QSER1: variants seen among roughly 807,000 people sequenced by gnomAD.
QSER1 encodes the protein glutamine and serine rich 1.
Under a neutral mutation model 158.5 loss-of-function variants are expected in QSER1, and 49 were observed. The ratio of observed to expected loss-of-function variants is 0.31; its 90% confidence interval spans 0.25 to 0.39. QSER1 has a LOEUF of 0.39. Among genes scored for constraint, QSER1 ranks in the 10% least tolerant of loss-of-function variants. The pLI, the probability that QSER1 is intolerant of heterozygous loss-of-function variation, is 1.00. For missense variants in QSER1, 1,754 were observed against 2,010.3 expected, an observed-to-expected ratio of 0.87 and a Z score of 2.44; for synonymous variants, 650 against 715.5, an observed-to-expected ratio of 0.91 and a Z score of 1.46.
At chr11:32,906,544 A>T (rs180698799) in intron 1 of QSER1, among the ~76,000 whole-genome samples, 130 of 152,132 alleles carry the variant, frequency 8.5e-4, no homozygotes, top group African/African-American at 3.1e-3. Flanking sequence ...GACTACAGGT[A>T]TGTGCCACCA....
Position 32,934,940 on chromosome 11 carries a change from G to A in QSER1, c.3682G>A (p.Gly1228Ser), listed in dbSNP as rs1380446909. The stretch of plus-strand genomic sequence containing the variant: ...GAAACAGCTGAAAAGACCTGCCCAA[G>A]GCAAACGCCAGAATCCAAGGGGAAC... ...NQKQLKRPAQGKRQNPRGTDI... is the reference protein window; with the variant it reads ...NQKQLKRPAQSKRQNPRGTDI... The change falls in exon 4 of 13, where the codon GGC becomes AGC. Residue 1228 changes from glycine to serine, a missense_variant. By Grantham distance (56) the Gly-to-Ser change is moderately conservative. This residue lies in a region of QSER1 where 1,707 missense variants were observed against 1,919.6 expected (regional missense o/e 0.89). Transcript: ENST00000650167. 6.2e-7 allele frequency: 1 copy of A among 1,614,004 alleles called. No homozygotes were observed. Among genetic ancestry groups the A allele is most frequent in the Non-Finnish European group, 8.5e-7 (1 of 1,179,984 alleles).
At chr11:32,948,067 C>T (rs1852364712) in intron 4 of QSER1, among the ~76,000 whole-genome samples, 1 of 152,090 alleles carries the variant, frequency 6.6e-6, no homozygotes, top group African/African-American at 2.4e-5. Context: ...AGCAGTATTC[C>T]CTGGGTACAG....
In QSER1 at chr11:32,893,060, G is replaced by GC. The variant is rs980176483; in HGVS notation, c.-61dup. Reference sequence around the variant, plus strand: ...CCTCCCCCGCCCCCTCTCCCTGCCCGCCCCCGTCACACGGAGCCCTGGAGG... The same window carrying GC: ...CCTCCCCCGCCCCCTCTCCCTGCCCGCCCCCCGTCACACGGAGCCCTGGAGG... On this transcript the variant is annotated 5_prime_UTR_variant, in exon 1 of 13. Coordinates refer to ENST00000650167, the MANE Select transcript of QSER1 (RefSeq NM_001076786.3). The surrounding 1 kb of genome is among the most constrained non-coding windows in gnomAD (Gnocchi z 4.7). 23 of 15,908 alleles carry GC rather than the reference G, an allele frequency of 1.4e-3. 1 individual carries two copies. Among genetic ancestry groups the GC allele is most frequent in the Admixed American group, 0.014 (21 of 1,494 alleles). 1.0% of individuals were successfully genotyped at this position (15,908 alleles called of 1,614,324 possible).
At chr11:32,973,583 T>G (rs1311851164) in intron 11 of QSER1, 34 bp downstream of exon 11, 4 of 1,539,338 alleles carry the variant, frequency 2.6e-6, no homozygotes, top group Non-Finnish European at 3.5e-6. Flanking sequence ...TAACTATACC[T>G]TTTCCAATTG....
chr11:32,950,190 G>A (rs1440244690), intron 4 of QSER1, among the ~76,000 whole-genome samples: 1 of 151,994 alleles, frequency 6.6e-6, no homozygotes, highest in East Asian at 1.9e-4. Context: ...CGCCTCCCAG[G>A]TTCAAGCGAT....
chr11:32,948,543 C>T (rs988685974), intron 4 of QSER1, among the ~76,000 whole-genome samples: 10 of 152,114 alleles, frequency 6.6e-5, no homozygotes, highest in Non-Finnish European at 4.4e-5. Context: ...GCAGGAGTAT[C>T]GGGTGAGCCC....
intron 4 of QSER1, among the ~76,000 whole-genome samples, chr11:32,949,315 A>C (rs1226775794): frequency 1.3e-5 from 2 of 152,194 alleles, no homozygotes; most frequent in Non-Finnish European, 2.9e-5. Flanking sequence ...AAGTATTTGT[A>C]GAAGTCAGTG....
rs752806410 is a variant in QSER1 at position 32,932,958 on chromosome 11, G to C, written c.1700G>C (p.Ser567Thr). Reference sequence around the variant, plus strand: ...CACTCTCAGGGTTTATCACCAGTTAGCCAGACACAGGTTAGCTATTCATCT... The same window carrying C: ...CACTCTCAGGGTTTATCACCAGTTACCCAGACACAGGTTAGCTATTCATCT... Reference protein sequence around the residue: ...SGHSQGLSPVSQTQVSYSSQS... With the variant: ...SGHSQGLSPVTQTQVSYSSQS... Residue 567 changes from serine to threonine, a missense_variant, in exon 4 of 13, where the codon AGC becomes ACC. Ser to Thr is a moderately conservative substitution (Grantham distance 58). Transcript: ENST00000650167. 1 of 1,613,164 alleles carries C rather than the reference G, an allele frequency of 6.2e-7. No homozygotes were observed. Among genetic ancestry groups the C allele is most frequent in the South Asian group, 1.1e-5 (1 of 91,032 alleles).
At position 32,932,278 on chromosome 11, in the gene QSER1, C is replaced by T; in HGVS notation, c.1020C>T (p.Ser340=). The change falls in exon 4 of 13, where the codon TCC becomes TCT. Residue 340 remains serine, a synonymous_variant. Coordinates refer to ENST00000650167, the MANE Select transcript of QSER1 (RefSeq NM_001076786.3). ...CACAACTGACTGGTTCACAGCACTC[C>T]TTACATAGTTATCTATCAAATTCAA... is the stretch of plus-strand genomic sequence containing the variant. ...IQAQLTGSQH[S]LHSYLSNSSV... The T allele has an allele frequency of 6.2e-7, 1 of 1,613,988 alleles. No homozygotes were observed. The highest frequency in any genetic ancestry group is 8.5e-7 in the Non-Finnish European group (1 of 1,180,030).
Position 32,892,978 on chromosome 11 carries a change from C to T in QSER1, c.-148C>T, listed in dbSNP as rs538645689. 4.3e-4 allele frequency among the ~76,000 whole-genome samples: 63 copies of T among 147,880 alleles called. 1 individual carries two copies. The East Asian group carries it at 0.012, about 28-fold the overall frequency. ...GACTCGCCAGCGCGCCCTTCTCCCG[C>T]CTGCTCGCCGGGGCCATGTGAGGGG... On this transcript the variant is annotated 5_prime_UTR_variant, in exon 1 of 13. Coordinates refer to ENST00000650167, the MANE Select transcript of QSER1 (RefSeq NM_001076786.3).
At chr11:32,910,401 T>G (rs540971985) in intron 1 of QSER1, among the ~76,000 whole-genome samples, 1 of 152,362 alleles carries the variant, frequency 6.6e-6, no homozygotes, top group East Asian at 1.9e-4. Flanking sequence ...CCCCAGTGCC[T>G]TGCTCATTGC....
In QSER1 at chr11:32,975,554, T is replaced by C. The variant is rs577945547; in HGVS notation, c.5454+211T>C. On this transcript the variant is annotated intron_variant, in intron 12 of 12. Transcript: ENST00000650167. ...TTTACCCGAGCCTCACCACCTCTTG[T>C]AGGAGCTATAATTGGTAATGTTTTG... The C allele has an allele frequency of 5.5e-4, 768 of 1,400,466 alleles. 18 individuals carry two copies. In the South Asian group the frequency reaches 9.3e-3, roughly 17 times the overall value. 86.8% of individuals were successfully genotyped at this position (1,400,466 alleles called of 1,614,324 possible).
intron 8 of QSER1, among the ~76,000 whole-genome samples, chr11:32,964,713 AC>A (rs1226716698): frequency 5.9e-5 from 5 of 84,538 alleles, no homozygotes; most frequent in African/African-American, 2.3e-4. Context: ...AAAAAAAAAA[AC>A]ACCATATATA....
chr11:32,925,658 G>C (rs1005003754), intron 1 of QSER1, among the ~76,000 whole-genome samples: 1 of 151,950 alleles, frequency 6.6e-6, no homozygotes, highest in Non-Finnish European at 1.5e-5. Context: ...CTCCAGAGTA[G>C]CTGAAATTCG....
At chr11:32,926,309 A>G (rs969564625) in intron 1 of QSER1, among the ~76,000 whole-genome samples, 7 of 152,176 alleles carry the variant, frequency 4.6e-5, no homozygotes, top group African/African-American at 1.7e-4. Context: ...TGACCTATAT[A>G]TTACATGATT....
Position 32,935,073 on chromosome 11 carries a change from C to T in QSER1, c.3815C>T (p.Pro1272Leu). The change falls in exon 4 of 13, where the codon CCA (proline) becomes CTA (leucine). Residue 1272 changes from proline to leucine, a missense_variant. Physicochemically the swap from Pro to Leu is moderately conservative, Grantham distance 98. Coordinates refer to ENST00000650167, the MANE Select transcript of QSER1 (RefSeq NM_001076786.3). ...ATCAAAGAGGTGGAGGAAAAACAAC[C>T]AGAAGTCAAAACAGGATTTATTGCT... Reference protein sequence around the residue: ...QKIKEVEEKQPEVKTGFIASF... With the variant: ...QKIKEVEEKQLEVKTGFIASF... 4.3e-6 allele frequency: 7 copies of T among 1,613,954 alleles called. No homozygotes were observed. The highest frequency in any genetic ancestry group is 1.1e-5 in the South Asian group (1 of 91,072).
At chr11:32,964,593 C>T (rs1422440249) in intron 8 of QSER1, among the ~76,000 whole-genome samples, 2 of 151,226 alleles carry the variant, frequency 1.3e-5, no homozygotes, top group Non-Finnish European at 2.9e-5. Context: ...AGGCCAGGCA[C>T]GGTGGCTTAC....
In QSER1 at chr11:32,933,789, G is replaced by A. The variant is rs1217856784; in HGVS notation, c.2531G>A (p.Gly844Asp). ...IQIPNHALGH[G>D]HQASLPNTQV... Reference sequence around the variant, plus strand: ...ATTCCAAATCATGCTTTAGGGCATGGCCATCAGGCATCTCTTCCTAATACA... The same window carrying A: ...ATTCCAAATCATGCTTTAGGGCATGACCATCAGGCATCTCTTCCTAATACA... Residue 844 changes from glycine to aspartate, a missense_variant, in exon 4 of 13, where the codon GGC becomes GAC. Gly to Asp is a moderately conservative substitution (Grantham distance 94, BLOSUM62 -1). Coordinates refer to ENST00000650167, the MANE Select transcript of QSER1 (RefSeq NM_001076786.3). The A allele has an allele frequency of 1.9e-6, 3 of 1,613,780 alleles. No homozygotes were observed. The Admixed American group carries it at 5.0e-5, about 27-fold the overall frequency.
chr11:32,916,770 G>T (rs995071174), intron 1 of QSER1, among the ~76,000 whole-genome samples: 1 of 132,944 alleles, frequency 7.5e-6, no homozygotes, highest in Non-Finnish European at 1.6e-5. Context: ...TTGTTATGTT[G>T]GGCATGACTC....
Sources: allele counts gnomAD v4.1 joint callset (sites outside exome capture counted in the v4.1 genomes callset), GRCh38; gene constraint gnomAD v4.1.1; regional missense constraint gnomAD v4.1.1; non-coding constraint Gnocchi (gnomAD v3.1); transcripts MANE v1.5; gene names NCBI Gene and HGNC (gene_info 2026-07-23, HGNC 2026-07-21).